Variants in SYTL3 observed in about 807,000 individuals in gnomAD.
The protein encoded by SYTL3 is synaptotagmin like 3.
A neutral mutation model predicts 82.1 loss-of-function variants in SYTL3; 88 were observed. The observed-to-expected ratio is 1.07, with a 90% CI of 0.90 to 1.28. The LOEUF is 1.28. Among genes scored for constraint, SYTL3 ranks in the 50% most tolerant of loss-of-function variants. SYTL3 has a pLI of 0.00. For missense variants in SYTL3, 831 were observed against 757.6 expected (o/e 1.10, Z -1.14); for synonymous variants, 311 against 289.4 (o/e 1.07, Z -0.76).
chr6:158,737,876 C>T (rs575121595), intron 11 of SYTL3, among the ~76,000 whole-genome samples: 10 of 152,322 alleles, frequency 6.6e-5, no homozygotes, highest in Admixed American at 5.9e-4. Flanking sequence ...GAGACATGAG[C>T]ATACATTATG....
intron 5 of SYTL3, among the ~76,000 whole-genome samples, chr6:158,673,801 G>A (rs1472029997): frequency 1.3e-5 from 2 of 150,336 alleles, no homozygotes; most frequent in South Asian, 2.1e-4. Flanking sequence ...CTTCTTCCTC[G>A]GGCCGGGCGT....
At chr6:158,691,349 GAA>G (rs111779178) in intron 6 of SYTL3, among the ~76,000 whole-genome samples, 3 of 139,098 alleles carry the variant, frequency 2.2e-5, no homozygotes, top group African/African-American at 7.6e-5. Flanking sequence ...CATCTCAAAA[GAA>G]AAAAAAAAAA....
intron 12 of SYTL3, among the ~76,000 whole-genome samples, chr6:158,750,175 A>G (rs1788216260): frequency 6.6e-6 from 1 of 152,372 alleles, no homozygotes; most frequent in African/African-American, 2.4e-5. Flanking sequence ...CCATTTATAT[A>G]AAAGTTCAAA....
intron 12 of SYTL3, among the ~76,000 whole-genome samples, chr6:158,749,986 G>GA (rs1320203677): frequency 6.6e-6 from 1 of 152,174 alleles, no homozygotes; most frequent in Non-Finnish European, 1.5e-5. Flanking sequence ...TGAGCAGAGG[G>GA]AAAAACTAGG....
intron 11 of SYTL3, among the ~76,000 whole-genome samples, chr6:158,727,591 C>T (rs1583393678): frequency 6.6e-6 from 1 of 151,994 alleles, no homozygotes; most frequent in Admixed American, 6.6e-5. Flanking sequence ...TGGGCCTGGC[C>T]GGAAAAGTGT....
upstream of SYTL3, among the ~76,000 whole-genome samples, chr6:158,645,358 G>A (rs775136911): frequency 1.3e-5 from 2 of 152,162 alleles, no homozygotes; most frequent in African/African-American, 2.4e-5. Flanking sequence ...TTATTTGTAT[G>A]TGGGTTCTTT....
Position 158,721,311 on chromosome 6 carries a change from G to C in SYTL3, c.720+3100G>C, listed in dbSNP as rs538468282. On this transcript the variant is annotated intron_variant, in intron 10 of 17. Coordinates refer to ENST00000611299, the MANE Select transcript of SYTL3 (RefSeq NM_001242394.2). Reference sequence around the variant, plus strand: ...GGTCACTGTAGTCTCGATCTCGAAGGCTTAAGTGATCCTCCCACCTCAGCC... The same window carrying C: ...GGTCACTGTAGTCTCGATCTCGAAGCCTTAAGTGATCCTCCCACCTCAGCC... Among the ~76,000 whole-genome samples, 5 of 152,164 alleles carry C rather than the reference G, an allele frequency of 3.3e-5. No individual in the cohort carries two copies. In the East Asian group the frequency reaches 9.7e-4, roughly 29 times the overall value.
chr6:158,734,605 G>A (rs1448640315), intron 11 of SYTL3, among the ~76,000 whole-genome samples: 1 of 151,962 alleles, frequency 6.6e-6, no homozygotes, highest in East Asian at 1.9e-4. Flanking sequence ...TTCCTTTAAG[G>A]CTTTGTTCCA....
intron 10 of SYTL3, among the ~76,000 whole-genome samples, chr6:158,718,949 G>A (rs534668994): frequency 4.6e-4 from 70 of 152,308 alleles, no homozygotes; most frequent in African/African-American, 1.5e-3. Context: ...CAGACAGACT[G>A]TCCTTTAGGC....
At chr6:158,690,960 C>T (rs749066937) in intron 6 of SYTL3, among the ~76,000 whole-genome samples, 2 of 152,148 alleles carry the variant, frequency 1.3e-5, no homozygotes, top group Non-Finnish European at 2.9e-5. Context: ...TTCCTGGACC[C>T]ACGCTCCAGG....
At chr6:158,647,498 A>C (rs1406600611), upstream of SYTL3, among the ~76,000 whole-genome samples, 1 of 152,204 alleles carries the variant, frequency 6.6e-6, no homozygotes, top group East Asian at 1.9e-4. Flanking sequence ...TTTTAAACGG[A>C]TATATCTGTA....
At chr6:158,692,850 C>CT (rs948465695) in intron 6 of SYTL3, among the ~76,000 whole-genome samples, 16 of 151,790 alleles carry the variant, frequency 1.1e-4, no homozygotes, top group Admixed American at 6.6e-4. Context: ...ACTCGGCAGG[C>CT]TGAGGCAGGA....
intron 9 of SYTL3, among the ~76,000 whole-genome samples, chr6:158,717,660 A>G (rs1431748985): frequency 1.3e-5 from 2 of 152,206 alleles, no homozygotes; most frequent in African/African-American, 2.4e-5. Context: ...CCTCGCTTCA[A>G]AAAGTCACAA....
rs750970788 is a variant in SYTL3, at chr6:158,663,336, A to T, written c.68A>T (p.Tyr23Phe). The T allele has an allele frequency of 2.5e-6, 4 of 1,613,950 alleles. No homozygotes were observed. In the African/African-American group the frequency reaches 5.3e-5, roughly 22 times the overall value. The change falls in exon 4 of 18, where the codon TAC becomes TTC. Residue 23 changes from tyrosine (Y) to phenylalanine (F), a missense_variant. Tyr to Phe is a conservative substitution (Grantham distance 22). Transcript: ENST00000611299. Reference sequence around the variant, plus strand: ...CGCGAGGCCATTCTCCAGGTCCTGTACCGAGACCAGGCGGTTCAAAACACA... The same window carrying T: ...CGCGAGGCCATTCTCCAGGTCCTGTTCCGAGACCAGGCGGTTCAAAACACA... The part of the protein sequence containing the change: ...LEREAILQVL[Y>F]RDQAVQNTEE...
At chr6:158,663,697 G>C (rs1789652832) in intron 4 of SYTL3, 1 of 785,200 alleles carries the variant, frequency 1.3e-6, no homozygotes, top group Non-Finnish European at 1.5e-6. Flanking sequence ...ACATTTTCAG[G>C]CTTCCAGTTT....
intron 8 of SYTL3, among the ~76,000 whole-genome samples, chr6:158,711,553 A>ACC (rs35190064): frequency 6.6e-6 from 1 of 152,254 alleles, no homozygotes. Flanking sequence ...CAGGAAACAG[A>ACC]CCCCAAGAAA....
intron 6 of SYTL3, among the ~76,000 whole-genome samples, chr6:158,685,530 C>T (rs1414792933): frequency 6.7e-6 from 1 of 149,308 alleles, no homozygotes; most frequent in South Asian, 2.3e-4. Context: ...CTTTAAAATA[C>T]TTTTTTGACC....
chr6:158,693,872 T>TTTTTTTTTTA (rs1780269540), intron 6 of SYTL3, among the ~76,000 whole-genome samples: 2 of 143,494 alleles, frequency 1.4e-5, no homozygotes, highest in Admixed American at 6.8e-5. Flanking sequence ...TTTTTTTTTT[T>TTTTTTTTTTA]TGTAGATACA....
intron 14 of SYTL3, among the ~76,000 whole-genome samples, chr6:158,760,218 C>A (rs1013145697): frequency 6.6e-6 from 1 of 152,214 alleles, no homozygotes; most frequent in Non-Finnish European, 1.5e-5. Flanking sequence ...CATGCTGTCC[C>A]CAGTGTCTGT....
Sources: allele counts gnomAD v4.1 joint callset (sites outside exome capture counted in the v4.1 genomes callset), GRCh38; gene constraint gnomAD v4.1.1; transcripts MANE v1.5; gene names NCBI Gene and HGNC (gene_info 2026-07-23, HGNC 2026-07-21).